Variants in RASGEF1C observed in about 807,000 individuals in gnomAD.
RASGEF1C encodes the protein RasGEF domain family member 1C.
A neutral mutation model predicts 58.1 loss-of-function variants in RASGEF1C; 27 were observed. The ratio of observed to expected loss-of-function variants is 0.46; its 90% CI spans 0.34 to 0.64. The LOEUF (loss-of-function observed/expected upper bound fraction) is 0.64, where lower values mean the gene tolerates loss of function less well. Ranked by LOEUF, RASGEF1C falls within the 30% of genes least tolerant of loss-of-function variation. RASGEF1C has a pLI of 0.01. For synonymous variants in RASGEF1C, 243 were observed against 246.3 expected (o/e 0.99, Z 0.13); for missense variants, 502 against 605.1 (o/e 0.83, Z 1.79).
rs1367202480 is a variant in RASGEF1C at position 180,101,357 on chromosome 5, G to T, written c.*144C>A. On this transcript the variant is annotated 3_prime_UTR_variant, in exon 14 of 14. Transcript: ENST00000361132. Reference sequence around the variant, plus strand: ...TGTGCCCGTATGGCCACTGTGGGGGGGGGGGGGGCGGGCAGCAGGCCACAG... The same window carrying T: ...TGTGCCCGTATGGCCACTGTGGGGGTGGGGGGGGCGGGCAGCAGGCCACAG... The T allele has an allele frequency of 1.8e-5, 16 of 890,624 alleles. No homozygotes were observed. Among genetic ancestry groups the T allele is most frequent in the South Asian group, 1.7e-4 (11 of 63,812 alleles). 55.2% of individuals were successfully genotyped at this position (890,624 alleles called of 1,614,324 possible). A position where few individuals can be genotyped will look rare whatever the true frequency, so the allele number is the denominator to read the frequency against.
chr5:180,176,713 T>G (rs188434303), intron 1 of RASGEF1C, among the ~76,000 whole-genome samples: 4 of 152,070 alleles, frequency 2.6e-5, no homozygotes, highest in Non-Finnish European at 5.9e-5. Flanking sequence ...TCTGCCACCA[T>G]GCCCGGCTAA....
intron 12 of RASGEF1C, among the ~76,000 whole-genome samples, chr5:180,106,066 G>A (rs1047935549): frequency 6.6e-6 from 1 of 152,170 alleles, no homozygotes; most frequent in African/African-American, 2.4e-5. Context: ...TCAGAATGGT[G>A]CACAATTCAA....
rs983437053 is a variant in RASGEF1C, at chr5:180,155,282, C to T, written c.-6-17224G>A. ...CTCTGTGGTCCTCCTTTTCTCTCTC[C>T]TTGGAAGAGCCTGGAGCCTGGACAC... On this transcript the variant is annotated intron_variant, in intron 1 of 13. Coordinates refer to ENST00000361132, the MANE Select transcript of RASGEF1C (RefSeq NM_175062.4). The surrounding 1 kb of genome is among the most constrained non-coding windows in gnomAD (Gnocchi z 5.2). Among the ~76,000 whole-genome samples, 6 of 152,192 alleles carry T rather than the reference C, an allele frequency of 3.9e-5. No homozygotes were observed. The highest frequency in any genetic ancestry group is 5.9e-5 in the Non-Finnish European group (4 of 68,032).
At chr5:180,204,575 AT>A (rs145022282) in intron 1 of RASGEF1C, among the ~76,000 whole-genome samples, 38,578 of 152,010 alleles carry the variant, frequency 0.25, 6,009 homozygotes, top group Non-Finnish European at 0.35. Flanking sequence ...ACCAATCCTG[AT>A]TTTTAAAACT....
At chr5:180,174,391 C>T (rs943906627) in intron 1 of RASGEF1C, among the ~76,000 whole-genome samples, 2 of 151,260 alleles carry the variant, frequency 1.3e-5, no homozygotes, top group African/African-American at 4.9e-5. Flanking sequence ...GTCAGAGATG[C>T]ATGTGTGTGC....
At chr5:180,192,672 G>C (rs6898339) in intron 1 of RASGEF1C, among the ~76,000 whole-genome samples, 90,726 of 151,562 alleles carry the variant, frequency 0.6, 28,629 homozygotes, top group East Asian at 0.87. Flanking sequence ...GTAACTTATA[G>C]TGACTATACG....
chr5:180,115,517 A>C, intron 10 of RASGEF1C: 1 of 188,026 alleles, frequency 5.3e-6, no homozygotes, highest in East Asian at 1.4e-4. Context: ...TGTAGGAGTA[A>C]CCTACAAAAT....
intron 1 of RASGEF1C, among the ~76,000 whole-genome samples, chr5:180,167,991 G>A (rs913661016): frequency 6.6e-6 from 1 of 152,158 alleles, no homozygotes; most frequent in Non-Finnish European, 1.5e-5. Flanking sequence ...GCTACCTAGC[G>A]GCCAGTCTGA....
chr5:180,200,307 A>ATTTTT (rs1402514785), intron 1 of RASGEF1C, among the ~76,000 whole-genome samples: 6 of 24,812 alleles, frequency 2.4e-4, no homozygotes, highest in Admixed American at 7.0e-4. Context: ...AGAGTACATC[A>ATTTTT]TTCTTTTTTT....
chr5:180,101,579 T>C (rs1316504594), intron 13 of RASGEF1C, 54 bp from the exon 14 acceptor site: 1 of 1,600,248 alleles, frequency 6.2e-7, no homozygotes, highest in East Asian at 2.2e-5. Context: ...CCCACCCCAG[T>C]TAGACTGCTC....
intron 6 of RASGEF1C, 68 bp from the exon 7 acceptor site, chr5:180,121,217 G>C: frequency 9.4e-7 from 1 of 1,066,136 alleles, no homozygotes; most frequent in Non-Finnish European, 1.5e-6. Flanking sequence ...AGAGCATGAA[G>C]TCAGTTCATG....
intron 1 of RASGEF1C, among the ~76,000 whole-genome samples, chr5:180,202,894 G>T (rs1316451719): frequency 6.6e-6 from 1 of 151,976 alleles, no homozygotes; most frequent in Non-Finnish European, 1.5e-5. Flanking sequence ...AGTAGAGACG[G>T]GGTTTCACCG....
intron 1 of RASGEF1C, among the ~76,000 whole-genome samples, chr5:180,152,638 C>T (rs529190279): frequency 8.0e-5 from 12 of 149,972 alleles, no homozygotes; most frequent in African/African-American, 2.0e-4. Flanking sequence ...GGGTGCAGCA[C>T]ACCAACATGG....
At chr5:180,190,489 C>CAA (rs869186264) in intron 1 of RASGEF1C, among the ~76,000 whole-genome samples, 14 of 77,574 alleles carry the variant, frequency 1.8e-4, no homozygotes, top group African/African-American at 5.0e-4. Context: ...GACTCCGTCT[C>CAA]AAAAAAAAAA....
rs964463209 is a variant in RASGEF1C, at chr5:180,127,715, G to A, written c.640-32C>T. ...GGAAGGGTGAAGAGTGGGTAAAAGA[G>A]GGAAGGTATGGGGAGGGGGTGTCCA... On this transcript the variant is annotated intron_variant, in intron 5 of 13. Transcript: ENST00000361132. The A allele has an allele frequency of 1.9e-6, 3 of 1,601,826 alleles. No individual in the cohort carries two copies. The African/African-American group carries it at 4.0e-5, about 21-fold the overall frequency.
intron 1 of RASGEF1C, among the ~76,000 whole-genome samples, chr5:180,166,429 G>T (rs182846327): frequency 4.6e-5 from 7 of 151,974 alleles, no homozygotes; most frequent in Admixed American, 1.3e-4. Flanking sequence ...AGCAGTGCTT[G>T]CAGAGCTGTT....
In RASGEF1C at chr5:180,143,918, G is replaced by T. The variant is rs544886987; in HGVS notation, c.-6-5860C>A. ...GGGGCTGGAGGGATGTTCTCCCTGGGCCAGGTGTGGCAGAAGGGACAGAGG... is the reference window on the plus strand; with the variant it reads ...GGGGCTGGAGGGATGTTCTCCCTGGTCCAGGTGTGGCAGAAGGGACAGAGG... On this transcript the variant is annotated intron_variant, in intron 1 of 13. Transcript: ENST00000361132. This position sits in a 1 kb window ranked among gnomAD's most constrained non-coding sequence, Gnocchi z 4.3. Among the ~76,000 whole-genome samples the T allele has an allele frequency of 1.2e-4, 18 of 152,314 alleles. No homozygotes were observed. The highest frequency in any genetic ancestry group is 3.8e-4 in the African/African-American group (16 of 41,572).
chr5:180,103,376 A>C (rs897236705), intron 12 of RASGEF1C, among the ~76,000 whole-genome samples: 13 of 152,310 alleles, frequency 8.5e-5, no homozygotes, highest in Non-Finnish European at 1.6e-4. Context: ...CGCACCCGGC[A>C]CATCAGCATT....
chr5:180,206,303 C>T (rs1429619341), intron 1 of RASGEF1C, among the ~76,000 whole-genome samples: 1 of 152,202 alleles, frequency 6.6e-6, no homozygotes, highest in Non-Finnish European at 1.5e-5. Context: ...TTAGAAAACA[C>T]AGATGATTGC....
Sources: gnomAD v4.1 joint callset for allele counts (sites outside exome capture counted in the v4.1 genomes callset) on GRCh38, gnomAD v4.1.1 for gene constraint, Gnocchi (gnomAD v3.1) non-coding constraint, MANE v1.5 for transcripts, NCBI Gene and HGNC (gene_info 2026-07-23, HGNC 2026-07-21) for gene names.